Variants in SGCD observed in about 807,000 individuals in gnomAD.
The protein encoded by SGCD is delta-sarcoglycan.
A neutral mutation model predicts 36.6 loss-of-function variants in SGCD; 18 were observed. The ratio of observed to expected loss-of-function variants is 0.49; its 90% CI spans 0.34 to 0.73. The LOEUF (loss-of-function observed/expected upper bound fraction) is 0.73, where lower values mean the gene tolerates loss of function less well. Ranked by LOEUF, SGCD falls within the 30% of genes least tolerant of loss-of-function variation. The pLI is 0.01. For synonymous variants in SGCD, 133 were observed against 130.6 expected (o/e 1.02, Z -0.12); for missense variants, 387 against 346.7 (o/e 1.12, Z -0.92).
At chr5:156,197,472 C>CTTTTTTTTTTTTT (rs368116194) in intron 3 of SGCD, among the ~76,000 whole-genome samples, 1 of 134,000 alleles carries the variant, frequency 7.5e-6, no homozygotes, top group African/African-American at 2.7e-5. Flanking sequence ...AATAGTTTTC[C>CTTTTTTTTTTTTT]TTTTTTTTTT....
intron 4 of SGCD, among the ~76,000 whole-genome samples, chr5:156,588,712 T>A (rs1201977840): frequency 1.3e-5 from 2 of 152,168 alleles, no homozygotes; most frequent in Non-Finnish European, 2.9e-5. Flanking sequence ...CTCCTGGGTT[T>A]TGTATACATG....
At chr5:156,222,677 G>T (rs574738121) in intron 3 of SGCD, among the ~76,000 whole-genome samples, 57 of 152,152 alleles carry the variant, frequency 3.7e-4, no homozygotes, top group African/African-American at 1.2e-3. Context: ...CATCTTGAGG[G>T]TTATAGATGA....
chr5:156,399,877 T>C (rs1388282527), intron 3 of SGCD, among the ~76,000 whole-genome samples: 1 of 152,148 alleles, frequency 6.6e-6, no homozygotes. Flanking sequence ...ATATAAGAAA[T>C]ATTTGTTCCT....
intron 4 of SGCD, among the ~76,000 whole-genome samples, chr5:156,526,881 G>A: frequency 6.6e-6 from 1 of 152,186 alleles, no homozygotes; most frequent in East Asian, 1.9e-4. Context: ...TAAATTGACT[G>A]TGCGTGCTTT....
At chr5:156,207,672 A>G (rs887948053) in intron 3 of SGCD, among the ~76,000 whole-genome samples, 3 of 152,210 alleles carry the variant, frequency 2.0e-5, no homozygotes. Context: ...TAAATTGTAA[A>G]GAGTCTATTG....
At chr5:155,864,498 AT>A in the SGCD span, among the ~76,000 whole-genome samples, 3 of 152,198 alleles carry the variant, frequency 2.0e-5, no homozygotes, top group African/African-American at 7.2e-5. Flanking sequence ...GATTAATTAA[AT>A]TAAAAAAAAA....
intron 4 of SGCD, among the ~76,000 whole-genome samples, chr5:156,581,119 A>G (rs1179022053): frequency 6.6e-6 from 1 of 152,156 alleles, no homozygotes; most frequent in African/African-American, 2.4e-5. Flanking sequence ...TGTTGATGCT[A>G]TTCCTTTCTG....
chr5:156,312,810 A>G (rs76245178), intron 3 of SGCD, among the ~76,000 whole-genome samples: 6,929 of 152,196 alleles, frequency 0.046, 321 homozygotes, highest in African/African-American at 0.11. Context: ...CTCTTAAGAA[A>G]ATTAGTTGGA....
At chr5:156,178,680 A>G (rs1422233459) in intron 3 of SGCD, among the ~76,000 whole-genome samples, 1 of 152,098 alleles carries the variant, frequency 6.6e-6, no homozygotes, top group Admixed American at 6.5e-5. Flanking sequence ...GGTTCAAGCA[A>G]TTCTCCTGCC....
intron 3 of SGCD, among the ~76,000 whole-genome samples, chr5:156,504,134 G>A (rs1266923588): frequency 6.6e-6 from 1 of 151,556 alleles, no homozygotes; most frequent in Non-Finnish European, 1.5e-5. Flanking sequence ...AACCTGGAAG[G>A]CGGAGGTTGC....
At chr5:156,035,562 A>G (rs1237255059) in intron 1 of SGCD, among the ~76,000 whole-genome samples, 2 of 152,160 alleles carry the variant, frequency 1.3e-5, no homozygotes, top group African/African-American at 4.8e-5. Context: ...GTGAGCCATG[A>G]TTGTGCCACT....
intron 1 of SGCD, among the ~76,000 whole-genome samples, chr5:156,039,638 T>TAA (rs1759587405): frequency 6.6e-6 from 1 of 152,236 alleles, no homozygotes; most frequent in African/African-American, 2.4e-5. Context: ...AAGCAACACT[T>TAA]GGAAATCTAA....
intron 1 of SGCD, among the ~76,000 whole-genome samples, chr5:156,092,661 G>T (rs1169583598): frequency 6.6e-6 from 1 of 152,198 alleles, no homozygotes; most frequent in Non-Finnish European, 1.5e-5. Flanking sequence ...TCTTCTCAGG[G>T]TGAGTGAGTA....
chr5:156,295,589 T>A (rs1312795212), intron 3 of SGCD, among the ~76,000 whole-genome samples: 1 of 152,130 alleles, frequency 6.6e-6, no homozygotes, highest in Admixed American at 6.5e-5. Flanking sequence ...ATAGGAGAAG[T>A]GGTTATGAAC....
chr5:155,987,145 A>G (rs1758348302), intron 1 of SGCD, among the ~76,000 whole-genome samples: 1 of 152,188 alleles, frequency 6.6e-6, no homozygotes, highest in African/African-American at 2.4e-5. Flanking sequence ...CTTGACAGAA[A>G]TAGCTTATTT....
rs1423711935 is a variant in SGCD at position 156,063,481 on chromosome 5, G to A, written c.-281-54397G>A. Among the ~76,000 whole-genome samples, 2 of 129,286 alleles carry A rather than the reference G, an allele frequency of 1.5e-5. 1 individual carries two copies. Among genetic ancestry groups the A allele is most frequent in the Non-Finnish European group, 3.2e-5 (2 of 61,926 alleles). 84.8% of individuals were successfully genotyped at this position (129,286 alleles called of 152,430 possible). On this transcript the variant is annotated intron_variant, in intron 1 of 9. Coordinates refer to the SGCD transcript ENST00000517913. ...TCCAATTCTGTGAAGAAAGTCATTG[G>A]TAGCTTTATGGGGATGGCGTTGAAT...
intron 7 of SGCD, among the ~76,000 whole-genome samples, chr5:156,651,775 C>CT (rs1288348448): frequency 1.3e-5 from 2 of 151,412 alleles, no homozygotes; most frequent in Non-Finnish European, 2.9e-5. Context: ...GCTTTGGGCT[C>CT]TTTTTTGGTT....
chr5:156,608,296 T>G (rs559433234), intron 6 of SGCD, among the ~76,000 whole-genome samples: 128 of 152,362 alleles, frequency 8.4e-4, no homozygotes, highest in African/African-American at 2.8e-3. Flanking sequence ...TTCATTTCGT[T>G]ATGTACCCAG....
chr5:156,524,701 T>C (rs1757573040), intron 4 of SGCD, among the ~76,000 whole-genome samples: 1 of 152,040 alleles, frequency 6.6e-6, no homozygotes, highest in African/African-American at 2.4e-5. Context: ...TTATTCACGT[T>C]ATAAATGAAA....
Sources: allele counts gnomAD v4.1 joint callset (sites outside exome capture counted in the v4.1 genomes callset), GRCh38; gene constraint gnomAD v4.1.1; transcripts MANE v1.5; gene names NCBI Gene and HGNC (gene_info 2026-07-23, HGNC 2026-07-21).